Variants in DGKB observed in about 807,000 individuals in gnomAD.
DGKB encodes the protein 90 kDa diacylglycerol kinase.
DGKB carries 67 observed loss-of-function variants against 114.3 expected under a neutral mutation model. The ratio of observed to expected loss-of-function variants is 0.59; its 90% CI spans 0.48 to 0.72. DGKB has a LOEUF of 0.72. DGKB is among the 30% of genes least tolerant of loss of function. DGKB has a pLI of 0.00. For missense variants in DGKB, 907 were observed against 975.2 expected (o/e 0.93, Z 0.93); for synonymous variants, 398 against 323.1 (o/e 1.23, Z -2.49).
At chr7:14,260,796 A>ATGTT (rs1451184933) in intron 23 of DGKB, among the ~76,000 whole-genome samples, 8 of 152,188 alleles carry the variant, frequency 5.3e-5, no homozygotes, top group Non-Finnish European at 1.2e-4. Context: ...GCTCACCAAA[A>ATGTT]TGTTAACATT....
At chr7:14,602,551 C>A (rs1485003278) in intron 17 of DGKB, among the ~76,000 whole-genome samples, 1 of 152,098 alleles carries the variant, frequency 6.6e-6, no homozygotes, top group Non-Finnish European at 1.5e-5. Flanking sequence ...TGTAAAGGGG[C>A]TTGAGGAAAC....
At chr7:14,892,961 T>C in intron 1 of DGKB, among the ~76,000 whole-genome samples, 1 of 147,396 alleles carries the variant, frequency 6.8e-6, no homozygotes, top group Admixed American at 6.7e-5. Context: ...TATGTGTGTG[T>C]ATATATACAT....
chr7:14,579,342 T>A (rs1260868154), intron 19 of DGKB, among the ~76,000 whole-genome samples: 1 of 152,182 alleles, frequency 6.6e-6, no homozygotes, highest in Non-Finnish European at 1.5e-5. Context: ...CCATTGTTAG[T>A]GCTTTGTATG....
intron 23 of DGKB, among the ~76,000 whole-genome samples, chr7:14,273,997 T>A (rs57364520): frequency 1.6e-4 from 24 of 152,348 alleles, no homozygotes; most frequent in African/African-American, 5.8e-4. Context: ...TTGTATTTCA[T>A]TGTTTTGTGG....
chr7:14,355,841 C>T (rs184511615), intron 21 of DGKB, among the ~76,000 whole-genome samples: 4 of 152,286 alleles, frequency 2.6e-5, no homozygotes, highest in African/African-American at 9.6e-5. Context: ...GGAATAGTTT[C>T]AGAAGGAATG....
chr7:14,802,901 A>G (rs953633789), intron 2 of DGKB, among the ~76,000 whole-genome samples: 4 of 152,100 alleles, frequency 2.6e-5, no homozygotes, highest in Admixed American at 6.6e-5. Flanking sequence ...TAATATTTAC[A>G]TAAATGGTTA....
At chr7:14,940,920 T>C (rs1785538050) in intron 1 of DGKB, among the ~76,000 whole-genome samples, 1 of 152,096 alleles carries the variant, frequency 6.6e-6, no homozygotes, top group African/African-American at 2.4e-5. Flanking sequence ...TGATATTTAC[T>C]GATTTTTAAT....
At chr7:14,903,888 G>A (rs1783492308), upstream of DGKB, among the ~76,000 whole-genome samples, 2 of 152,102 alleles carry the variant, frequency 1.3e-5, no homozygotes, top group Admixed American at 6.5e-5. Context: ...TCTTGACATA[G>A]AAGTCCCGTG....
At chr7:14,709,039 T>A (rs901590291) in intron 6 of DGKB, among the ~76,000 whole-genome samples, 4 of 141,396 alleles carry the variant, frequency 2.8e-5, no homozygotes, top group African/African-American at 8.0e-5. Flanking sequence ...ACCTACAAAA[T>A]GGGAGAAGAT....
intron 23 of DGKB, among the ~76,000 whole-genome samples, chr7:14,278,262 C>A (rs1364732708): frequency 1.3e-5 from 2 of 151,134 alleles, no homozygotes; most frequent in African/African-American, 4.9e-5. Flanking sequence ...CAATTGCTAT[C>A]AAAAATAGCA....
intron 21 of DGKB, among the ~76,000 whole-genome samples, chr7:14,465,864 T>C (rs1780388608): frequency 6.6e-6 from 1 of 151,872 alleles, no homozygotes; most frequent in Admixed American, 6.6e-5. Flanking sequence ...TAGGTCACAC[T>C]TGCTCACATG....
Position 14,638,969 on chromosome 7 carries a change from T to C in DGKB, c.1135-8701A>G, listed in dbSNP as rs548486226. 2.0e-5 allele frequency among the ~76,000 whole-genome samples: 3 copies of C among 151,862 alleles called. No homozygotes were observed. In the East Asian group the frequency reaches 5.8e-4, roughly 29 times the overall value. On this transcript the variant is annotated intron_variant, in intron 13 of 25. Coordinates refer to ENST00000402815, the MANE Select transcript of DGKB (RefSeq NM_001350709.2). ...AGGAGAATCGCTTGAACCCGGGAGG[T>C]GGAGGTTGCAGTGAGCTGAGATCAC...
At chr7:14,529,780 A>G (rs1368152116) in intron 20 of DGKB, among the ~76,000 whole-genome samples, 1 of 151,750 alleles carries the variant, frequency 6.6e-6, no homozygotes, top group Non-Finnish European at 1.5e-5. Flanking sequence ...TACACTTTTG[A>G]GTATTGTTGC....
At chr7:14,301,737 A>G (rs1048321800) in intron 23 of DGKB, among the ~76,000 whole-genome samples, 4 of 152,134 alleles carry the variant, frequency 2.6e-5, no homozygotes, top group African/African-American at 9.7e-5. Flanking sequence ...AAGACTAATA[A>G]GAGAGTAAAA....
At chr7:14,631,970 C>A (rs1249554746) in intron 13 of DGKB, among the ~76,000 whole-genome samples, 3 of 151,970 alleles carry the variant, frequency 2.0e-5, no homozygotes, top group Non-Finnish European at 4.4e-5. Flanking sequence ...CTTCAATCAG[C>A]CTCCAGAGCC....
rs539734777 is a variant in DGKB at position 14,207,287 on chromosome 7, G to A, written c.2123-29136C>T. On this transcript the variant is annotated intron_variant, in intron 23 of 25. Transcript: ENST00000402815. ...GTCATCGTGTGTGGGATCTTTCAAA[G>A]TGTAATCTGCCAACATATGACCTAA... Among the ~76,000 whole-genome samples the A allele has an allele frequency of 5.9e-5, 9 of 152,204 alleles. No individual in the cohort carries two copies. In the South Asian group the frequency reaches 1.7e-3, roughly 28 times the overall value.
intron 1 of DGKB, among the ~76,000 whole-genome samples, chr7:14,894,682 G>A (rs1781829277): frequency 6.6e-6 from 1 of 151,368 alleles, no homozygotes; most frequent in Non-Finnish European, 1.5e-5. Context: ...AGCACCAAAT[G>A]TACCACCATG....
At chr7:14,537,448 A>G (rs1029258792) in intron 20 of DGKB, among the ~76,000 whole-genome samples, 8 of 152,172 alleles carry the variant, frequency 5.3e-5, no homozygotes, top group Non-Finnish European at 1.2e-4. Context: ...CTATAGAGCA[A>G]TGGAACACAA....
intron 17 of DGKB, among the ~76,000 whole-genome samples, chr7:14,597,339 T>G (rs1802758291): frequency 6.6e-6 from 1 of 152,196 alleles, no homozygotes; most frequent in Non-Finnish European, 1.5e-5. Context: ...TAAAACATTA[T>G]GAATTCAACA....
Sources: gnomAD v4.1 joint callset for allele counts (sites outside exome capture counted in the v4.1 genomes callset) on GRCh38, gnomAD v4.1.1 for gene constraint, MANE v1.5 for transcripts, NCBI Gene and HGNC (gene_info 2026-07-23, HGNC 2026-07-21) for gene names.